The following EPB41 variants were observed in gnomAD, a reference collection of about 807,000 sequenced individuals.
EPB41 encodes the protein protein 4.1.
A neutral mutation model predicts 108.0 loss-of-function variants in EPB41; 65 were observed. The ratio of observed to expected loss-of-function variants is 0.60; its 90% CI spans 0.49 to 0.74. EPB41 has a LOEUF of 0.74. Ranked by LOEUF, EPB41 falls within the 30% of genes least tolerant of loss-of-function variation. EPB41 has a pLI of 0.00. For missense variants in EPB41, 875 were observed against 1,037.0 expected, an observed-to-expected ratio of 0.84 and a Z score of 2.15; for synonymous variants, 336 against 358.9, an observed-to-expected ratio of 0.94 and a Z score of 0.72.
Position 29,039,133 on chromosome 1 carries a change from A to T in EPB41, c.1464-121A>T, listed in dbSNP as rs1640564238. On this transcript the variant is annotated intron_variant, in intron 10 of 20. Transcript: ENST00000343067. ...ATTACTTGATTGAAAATTTCTTAGT[A>T]ACTATATGGAAACCCTGAGAATTGT... 3.7e-6 allele frequency: 4 copies of T among 1,091,292 alleles called. No homozygotes were observed. In the South Asian group the frequency reaches 4.6e-5, roughly 13 times the overall value. 67.6% of individuals were successfully genotyped at this position (1,091,292 alleles called of 1,614,324 possible).
upstream of EPB41, among the ~76,000 whole-genome samples, chr1:28,914,344 CCT>C (rs1009436237): frequency 3.9e-5 from 6 of 152,230 alleles, no homozygotes; most frequent in South Asian, 2.1e-4. Context: ...CTTGCCTTTT[CCT>C]CTCTCTTTTT....
chr1:28,888,600 A>G (rs1057064599), intron 1 of EPB41, among the ~76,000 whole-genome samples: 1 of 152,220 alleles, frequency 6.6e-6, no homozygotes, highest in Non-Finnish European at 1.5e-5. Context: ...TAAGGCGTTA[A>G]AGCAGGTGTG....
intron 16 of EPB41, among the ~76,000 whole-genome samples, chr1:29,087,856 T>C (rs533942849): frequency 1.3e-5 from 2 of 152,274 alleles, no homozygotes; most frequent in South Asian, 2.1e-4. Flanking sequence ...TGAATTATCA[T>C]ACTTAGCAGG....
At chr1:28,995,876 AAAG>A (rs2096159821) in intron 3 of EPB41, among the ~76,000 whole-genome samples, 2 of 152,336 alleles carry the variant, frequency 1.3e-5, no homozygotes, top group South Asian at 2.1e-4. Context: ...TGGGAGAAAA[AAAG>A]AAAATTATTT....
chr1:29,098,269 A>G (rs1663951125), intron 17 of EPB41, among the ~76,000 whole-genome samples: 2 of 151,946 alleles, frequency 1.3e-5, no homozygotes, highest in Admixed American at 1.3e-4. Flanking sequence ...ATCTCGGCTC[A>G]CTGCAAGCTC....
chr1:28,917,194 T>C (rs2092735204), intron 1 of EPB41, among the ~76,000 whole-genome samples: 1 of 152,178 alleles, frequency 6.6e-6, no homozygotes, highest in Non-Finnish European at 1.5e-5. Context: ...TTTTTTGTAT[T>C]GTGCAACCAA....
chr1:28,993,517 A>G lies in EPB41; in HGVS notation c.656A>G (p.Asp219Gly). 1 of 1,614,110 alleles carries G rather than the reference A, an allele frequency of 6.2e-7. No homozygotes were observed. Among genetic ancestry groups the G allele is most frequent in the South Asian group, 1.1e-5 (1 of 91,084 alleles). ...NMHCKVSLLD[D>G]TVYECVVEKH... ...CACTGCAAGGTTTCTTTGTTGGATG[A>G]CACAGTTTATGAATGTGTTGTGGAG... The change falls in exon 3 of 21, where the codon GAC (aspartate) becomes GGC (glycine). Residue 219 changes from aspartate to glycine, a missense_variant. This residue lies in a region of EPB41 where 353 missense variants were observed against 393.2 expected (regional missense o/e 0.90). Coordinates refer to ENST00000343067, the MANE Select transcript of EPB41 (RefSeq NM_001376013.1).
At chr1:29,019,199 T>C (rs1484990214) in intron 7 of EPB41, among the ~76,000 whole-genome samples, 1 of 152,138 alleles carries the variant, frequency 6.6e-6, no homozygotes, top group East Asian at 1.9e-4. Flanking sequence ...GAGGATAACT[T>C]GAACCCGAGT....
chr1:28,980,875 C>A (rs956058176), intron 1 of EPB41, among the ~76,000 whole-genome samples: 1 of 148,572 alleles, frequency 6.7e-6, no homozygotes, highest in African/African-American at 2.5e-5. Flanking sequence ...CGGCTCACTG[C>A]AACCTCGACT....
At position 28,993,657 on chromosome 1, in the gene EPB41, CTTTTTTT is replaced by C. The variant is rs932117775; in HGVS notation, c.681+126_681+132del. On this transcript the variant is annotated intron_variant, in intron 3 of 20. Transcript: ENST00000343067. Reference sequence around the variant, plus strand: ...TCACTGTAGTGATTATTTCTTTTTTCTTTTTTTTTTTTTTTTTGAGACAGAGTTTTGC... The same window carrying C: ...TCACTGTAGTGATTATTTCTTTTTTCTTTTTTTTTTGAGACAGAGTTTTGC... 144 of 554,090 alleles carry C rather than the reference CTTTTTTT, an allele frequency of 2.6e-4. 1 individual carries two copies. Among genetic ancestry groups the C allele is most frequent in the South Asian group, 1.2e-3 (62 of 50,144 alleles). 34.3% of individuals were successfully genotyped at this position (554,090 alleles called of 1,614,324 possible). A position where few individuals can be genotyped will look rare whatever the true frequency, so the allele number is the denominator to read the frequency against.
chr1:29,040,283 A>AT (rs1392340040), intron 11 of EPB41, among the ~76,000 whole-genome samples: 2 of 151,108 alleles, frequency 1.3e-5, no homozygotes, highest in East Asian at 1.9e-4. Flanking sequence ...TTTTTTCTTA[A>AT]TTTTTTTATT....
intron 1 of EPB41, among the ~76,000 whole-genome samples, chr1:28,903,408 T>C (rs2091489395): frequency 6.7e-6 from 1 of 148,512 alleles, no homozygotes; most frequent in African/African-American, 2.5e-5. Context: ...CACTGCAACC[T>C]CCGCCTCCTG....
In EPB41 at chr1:29,096,076, AATC is replaced by A. The variant is rs1281898243; in HGVS notation, c.2185-1728_2185-1726del. 3 of 893,858 alleles carry A rather than the reference AATC, an allele frequency of 3.4e-6. No homozygotes were observed. In the East Asian group the frequency reaches 3.6e-4, roughly 106 times the overall value. The allele number at this position is 893,858 out of a possible 1,614,324, so 55.4% of individuals were successfully genotyped here. On this transcript the variant is annotated intron_variant, in intron 16 of 20. Coordinates refer to ENST00000343067, the MANE Select transcript of EPB41 (RefSeq NM_001376013.1). ...TAGCAATATTTTTGAGGCTTCCAAA[AATC>A]ATTGTTGATTCTCAGAGTTCATTCT...
In EPB41 at chr1:29,039,525, G is replaced by A. The variant is rs2150428773; in HGVS notation, c.1636+99G>A. ...AAGAGAACCGAATTAAAGAAGCTCA[G>A]GGTTGGGCCTGGTGCAGTGGCTTAC... On this transcript the variant is annotated intron_variant, in intron 11 of 20. Transcript: ENST00000343067. 7 of 1,499,240 alleles carry A rather than the reference G, an allele frequency of 4.7e-6. No individual in the cohort carries two copies. The East Asian group carries it at 1.5e-4, about 31-fold the overall frequency. The allele number at this position is 1,499,240 out of a possible 1,614,324, so 92.9% of individuals were successfully genotyped here.
chr1:29,075,241 G>T (rs200202711), intron 16 of EPB41, among the ~76,000 whole-genome samples: 1 of 151,644 alleles, frequency 6.6e-6, no homozygotes, highest in East Asian at 1.9e-4. Context: ...CACTCGGAAG[G>T]CCGAGGTGGG....
intron 16 of EPB41, among the ~76,000 whole-genome samples, chr1:29,066,694 A>G (rs566481509): frequency 3.9e-5 from 6 of 151,916 alleles, no homozygotes; most frequent in African/African-American, 1.4e-4. Flanking sequence ...TTTCTTTGAG[A>G]TGGAGTTTCA....
chr1:28,997,133 C>A (rs1291342455), intron 3 of EPB41, 82 bp from the exon 4 acceptor site: 4 of 1,029,424 alleles, frequency 3.9e-6, no homozygotes, highest in Non-Finnish European at 6.1e-6. Context: ...GCCTGGGCAA[C>A]AGAGTGAATC....
At chr1:29,022,306 A>T (rs1366972575) in intron 7 of EPB41, among the ~76,000 whole-genome samples, 1 of 151,888 alleles carries the variant, frequency 6.6e-6, no homozygotes, top group Non-Finnish European at 1.5e-5. Context: ...ACAGTACAAA[A>T]AGTTCATTGA....
At chr1:29,016,430 C>G (rs765093946) in intron 6 of EPB41, among the ~76,000 whole-genome samples, 1 of 149,628 alleles carries the variant, frequency 6.7e-6, no homozygotes, top group South Asian at 2.1e-4. Context: ...CTCAGGTGAT[C>G]TGCTTGCCTC....
Sources: allele counts gnomAD v4.1 joint callset (sites outside exome capture counted in the v4.1 genomes callset), GRCh38; gene constraint gnomAD v4.1.1; regional missense constraint gnomAD v4.1.1; transcripts MANE v1.5; gene names NCBI Gene and HGNC (gene_info 2026-07-23, HGNC 2026-07-21).